TMC2: variants seen among roughly 807,000 people sequenced by gnomAD.
TMC2 encodes transmembrane channel-like protein 2.
Under a neutral mutation model 105.9 loss-of-function variants are expected in TMC2, and 102 were observed. That is an observed-to-expected ratio of 0.96 (90% confidence interval 0.82 to 1.14). TMC2 has a LOEUF of 1.14. TMC2 is among the 50% of genes most tolerant of loss of function. TMC2 has a pLI of 0.00. For missense variants in TMC2, 1,093 were observed against 1,134.3 expected (o/e 0.96, Z 0.52); for synonymous variants, 402 against 422.8 (o/e 0.95, Z 0.60).
At chr20:2,569,502 C>T (rs1419680833) in intron 4 of TMC2, among the ~76,000 whole-genome samples, 3 of 152,156 alleles carry the variant, frequency 2.0e-5, no homozygotes, top group Non-Finnish European at 2.9e-5. Flanking sequence ...GTTCAACTTA[C>T]AATTTTTTAC....
Position 2,545,904 on chromosome 20 carries a change from GAAAA to G in TMC2, c.82+8592_82+8595del, listed in dbSNP as rs745736188. On this transcript the variant is annotated intron_variant, in intron 2 of 19. Transcript: ENST00000358864. ...AAAAGAAAGAAATGAAAGAAAGAAA[GAAAA>G]AAAGAAAGAAATGAAAGAAAGAAAG... Among the ~76,000 whole-genome samples, 275 of 106,896 alleles carry G rather than the reference GAAAA, an allele frequency of 2.6e-3. 6 individuals carry two copies. The highest frequency in any genetic ancestry group is 9.4e-3 in the African/African-American group (261 of 27,630). 70.1% of individuals were successfully genotyped at this position (106,896 alleles called of 152,430 possible).
chr20:2,613,468 T>C (rs1342794403), intron 14 of TMC2, 146 bp downstream of exon 14: 1 of 1,222,462 alleles, frequency 8.2e-7, no homozygotes, highest in East Asian at 2.5e-5. Flanking sequence ...GTGTTTAATT[T>C]GTATTTCCTT....
rs1195073322 is a variant in TMC2 at position 2,558,036 on chromosome 20, A to G, written c.83-420A>G. ...GAAACGAAGACCCAAATATACAGGG[A>G]AAACTGTATTTTTATGGAGAGTTGT... On this transcript the variant is annotated intron_variant, in intron 2 of 19. Transcript: ENST00000358864. The surrounding 1 kb of genome is among the most constrained non-coding windows in gnomAD (Gnocchi z 4.6). Among the ~76,000 whole-genome samples, 1 of 152,226 alleles carries G rather than the reference A, an allele frequency of 6.6e-6. No individual in the cohort carries two copies. The highest frequency in any genetic ancestry group is 1.5e-5 in the Non-Finnish European group (1 of 68,044).
chr20:2,604,896 T>G (rs1037553741), intron 11 of TMC2, among the ~76,000 whole-genome samples: 2 of 152,232 alleles, frequency 1.3e-5, no homozygotes, highest in African/African-American at 4.8e-5. Flanking sequence ...CTGAGTTATA[T>G]CCTTTGAAAT....
chr20:2,563,965 C>T (rs1439066516), intron 4 of TMC2, among the ~76,000 whole-genome samples: 5 of 152,108 alleles, frequency 3.3e-5, no homozygotes, highest in East Asian at 3.9e-4. Flanking sequence ...TGGACTCAAG[C>T]GATCCTCCCA....
chr20:2,586,564 A>T (rs566192285), intron 7 of TMC2, among the ~76,000 whole-genome samples: 2 of 152,232 alleles, frequency 1.3e-5, no homozygotes, highest in Non-Finnish European at 2.9e-5. Flanking sequence ...AAGGGGAACC[A>T]GCACATCACT....
chr20:2,585,288 A>G (rs1393304269), intron 7 of TMC2, among the ~76,000 whole-genome samples: 1 of 152,182 alleles, frequency 6.6e-6, no homozygotes, highest in African/African-American at 2.4e-5. Context: ...TATTATGAAT[A>G]ACTCTACTAT....
At position 2,554,227 on chromosome 20, in the gene TMC2, C is replaced by T. The variant is rs138293114; in HGVS notation, c.83-4229C>T. ...TTAATGTCCTTGAGATAAATGGTGA[C>T]GATCCCTCTTTTATTTCTGATATTA... On this transcript the variant is annotated intron_variant, in intron 2 of 19. Coordinates refer to ENST00000358864, the MANE Select transcript of TMC2 (RefSeq NM_080751.3). Among the ~76,000 whole-genome samples, 216 of 152,156 alleles carry T rather than the reference C, an allele frequency of 1.4e-3. 3 individuals are homozygous for T. The highest frequency in any genetic ancestry group is 4.8e-3 in the African/African-American group (201 of 41,510).
intron 18 of TMC2, among the ~76,000 whole-genome samples, chr20:2,636,493 C>T (rs1398602263): frequency 5.3e-5 from 8 of 150,998 alleles, no homozygotes; most frequent in African/African-American, 1.9e-4. Context: ...CACACACACA[C>T]GCACACACCC....
intron 4 of TMC2, among the ~76,000 whole-genome samples, chr20:2,566,964 C>G (rs983790994): frequency 6.6e-6 from 1 of 152,220 alleles, no homozygotes; most frequent in Non-Finnish European, 1.5e-5. Context: ...ATACCACAGA[C>G]AAAACAACAG....
At chr20:2,577,430 A>G (rs1265109119) in intron 5 of TMC2, among the ~76,000 whole-genome samples, 2 of 152,044 alleles carry the variant, frequency 1.3e-5, no homozygotes, top group African/African-American at 2.4e-5. Context: ...TCTGCCAATC[A>G]CCATATCCTT....
chr20:2,590,420 C>T (rs1161740641), intron 7 of TMC2, among the ~76,000 whole-genome samples: 1 of 151,886 alleles, frequency 6.6e-6, no homozygotes, highest in Admixed American at 6.6e-5. Flanking sequence ...ATCAACTATA[C>T]ATATATGTTA....
rs148776588 is a variant in TMC2, at chr20:2,601,779, C to G, written c.1225-334C>G. Among the ~76,000 whole-genome samples, 173 of 152,056 alleles carry G rather than the reference C, an allele frequency of 1.1e-3. 3 individuals carry two copies. Among genetic ancestry groups the G allele is most frequent in the African/African-American group, 4.1e-3 (169 of 41,482 alleles). ...CACTTGAACCCAGGAGGTGGTGAGC[C>G]GAGATTGCACCATTGCACCCCAGCC... On this transcript the variant is annotated intron_variant, in intron 10 of 19. Transcript: ENST00000358864.
At chr20:2,549,796 C>T (rs1168404804) in intron 2 of TMC2, among the ~76,000 whole-genome samples, 2 of 152,152 alleles carry the variant, frequency 1.3e-5, no homozygotes, top group Admixed American at 1.3e-4. Context: ...TGAGAGTTTC[C>T]TCAGAGCATC....
At chr20:2,635,844 C>A in intron 17 of TMC2, 82 bp from the exon 18 acceptor site, 1 of 1,097,038 alleles carries the variant, frequency 9.1e-7, no homozygotes, top group Non-Finnish European at 1.4e-6. Context: ...AGGAATCCTG[C>A]CCTGATTCCC....
chr20:2,641,161 G>A lies in TMC2; in HGVS notation c.2531G>A (p.Ser844Asn). Residue 844 changes from serine (S) to asparagine (N), a missense_variant, in exon 20 of 20, where the codon AGC (serine) becomes AAC (asparagine). By Grantham distance (46) the Ser-to-Asn change is conservative (BLOSUM62 1). Transcript: ENST00000358864. ...ACCACTCCTCCCTCTGCCAGCCAAA[G>A]CCAGGCCATGGACAAGAAGGCGCAG... ...EETTPPSASQ[S>N]QAMDKKAQGP... The A allele has an allele frequency of 1.2e-6, 2 of 1,614,080 alleles. No homozygotes were observed. Among genetic ancestry groups the A allele is most frequent in the Non-Finnish European group, 1.7e-6 (2 of 1,180,010 alleles).
Position 2,616,260 on chromosome 20 carries a change from A to G in TMC2, c.1940+56A>G. The G allele has an allele frequency of 6.8e-7, 1 of 1,467,202 alleles. No homozygotes were observed. The highest frequency in any genetic ancestry group is 1.1e-5 in the South Asian group (1 of 87,928). The allele number at this position is 1,467,202 out of a possible 1,614,324, so 90.9% of individuals were successfully genotyped here. A position where few individuals can be genotyped will look rare whatever the true frequency, so the allele number is the denominator to read the frequency against. ...TCATCCAAGGAGTCAAAAAACTGGAATCCCAGACTTTGCAACTTAACTAGT... is the reference window on the plus strand; with the variant it reads ...TCATCCAAGGAGTCAAAAAACTGGAGTCCCAGACTTTGCAACTTAACTAGT... On this transcript the variant is annotated intron_variant, in intron 15 of 19. Transcript: ENST00000358864. This position sits in a 1 kb window ranked among gnomAD's most constrained non-coding sequence, Gnocchi z 4.8.
chr20:2,588,921 A>T (rs915839370), intron 7 of TMC2, among the ~76,000 whole-genome samples: 1 of 152,102 alleles, frequency 6.6e-6, no homozygotes, highest in Non-Finnish European at 1.5e-5. Context: ...CTTCAGTTCT[A>T]TAACTTCCAT....
At chr20:2,596,911 GCT>G (rs764763757) in intron 9 of TMC2, among the ~76,000 whole-genome samples, 1 of 152,028 alleles carries the variant, frequency 6.6e-6, no homozygotes, top group Non-Finnish European at 1.5e-5. Context: ...TCTCCTGCAG[GCT>G]TTTTATTACC....
Sources: gnomAD v4.1 joint callset for allele counts (sites outside exome capture counted in the v4.1 genomes callset) on GRCh38, gnomAD v4.1.1 for gene constraint, Gnocchi (gnomAD v3.1) non-coding constraint, MANE v1.5 for transcripts, NCBI Gene and HGNC (gene_info 2026-07-23, HGNC 2026-07-21) for gene names.